The following AXIN1 variants were observed in gnomAD, a reference collection of about 807,000 sequenced individuals.
AXIN1 encodes the protein axin 1.
AXIN1 carries 30 observed loss-of-function variants against 76.4 expected under a neutral mutation model. The ratio of observed to expected loss-of-function variants is 0.39; its 90% CI spans 0.29 to 0.53. The LOEUF (loss-of-function observed/expected upper bound fraction) is 0.53. AXIN1 is among the 20% of genes least tolerant of loss of function. The pLI, the probability that AXIN1 is intolerant of heterozygous loss-of-function variation, is 0.66. For synonymous variants in AXIN1, 545 were observed against 501.4 expected (o/e 1.09, Z -1.16); for missense variants, 1,140 against 1,198.8 (o/e 0.95, Z 0.72).
intron 5 of AXIN1, chr16:299,275 C>CTG (rs1298597919): frequency 1.0e-6 from 1 of 981,454 alleles, no homozygotes; most frequent in Non-Finnish European, 1.2e-6. Flanking sequence ...TCTTATTGGA[C>CTG]TGACAAACTA....
At chr16:324,188 T>A (rs1037276114) in intron 2 of AXIN1, among the ~76,000 whole-genome samples, 48 of 150,496 alleles carry the variant, frequency 3.2e-4, no homozygotes, top group African/African-American at 1.1e-3. Context: ...GTGAGCCGCC[T>A]TACGGGTCTT....
intron 2 of AXIN1, among the ~76,000 whole-genome samples, chr16:336,258 C>A (rs895018168): frequency 6.6e-6 from 1 of 152,194 alleles, no homozygotes; most frequent in African/African-American, 2.4e-5. Context: ...GATTGACCCA[C>A]TTGGCTCAGA....
intron 2 of AXIN1, among the ~76,000 whole-genome samples, chr16:323,681 TGAGGCAGGAGAATTATGTGAACCCGG>T (rs1252734871): frequency 1.3e-4 from 20 of 151,720 alleles, no homozygotes; most frequent in Admixed American, 1.3e-3. Context: ...CTCGGGAGTC[TGAGGCAGGAGAATTATGTGAACCCGG>T]GAGGCGGAGC....
intron 1 of AXIN1, among the ~76,000 whole-genome samples, chr16:351,607 C>T (rs558247536): frequency 1.4e-4 from 16 of 116,518 alleles, no homozygotes; most frequent in African/African-American, 5.1e-4. Context: ...GAGACTCCGT[C>T]TCAAAAAAAA....
chr16:293,787 C>CT lies in AXIN1; in HGVS notation c.1956-70dup. The CT allele has an allele frequency of 6.7e-7, 1 of 1,490,722 alleles. No homozygotes were observed. The highest frequency in any genetic ancestry group is 1.1e-5 in the South Asian group (1 of 88,788). 92.3% of individuals were successfully genotyped at this position (1,490,722 alleles called of 1,614,324 possible). The stretch of plus-strand genomic sequence containing the variant: ...GGCCAGGTGGCCTGGTGGGGCTACA[C>CT]TCATCTCACAAGGGCAGCCTCCTTG... On this transcript the variant is annotated intron_variant, in intron 7 of 10. Coordinates refer to ENST00000262320, the MANE Select transcript of AXIN1 (RefSeq NM_003502.4). This position sits in a 1 kb window ranked among gnomAD's most constrained non-coding sequence, Gnocchi z 4.6.
chr16:338,612 C>T (rs770739196), intron 2 of AXIN1, among the ~76,000 whole-genome samples: 10 of 152,230 alleles, frequency 6.6e-5, no homozygotes, highest in Non-Finnish European at 1.2e-4. Context: ...AGTCCTTGCC[C>T]ACTGACAGGT....
At chr16:344,007 CA>C (rs35154860) in intron 2 of AXIN1, among the ~76,000 whole-genome samples, 254 of 129,620 alleles carry the variant, frequency 2.0e-3, no homozygotes, top group Admixed American at 2.6e-3. Context: ...GACTCCATTT[CA>C]AAAAAAAAAA....
In AXIN1 at chr16:338,917, C is replaced by T. The variant is rs951217040; in HGVS notation, c.878+7231G>A. ...CAGCCTGGGTGACAAGAGCGAAACT[C>T]CATCTTGGGGAAAAAAAAAAAAAGT... On this transcript the variant is annotated intron_variant, in intron 2 of 10. Coordinates refer to ENST00000262320, the MANE Select transcript of AXIN1 (RefSeq NM_003502.4). Among the ~76,000 whole-genome samples the T allele has an allele frequency of 2.6e-5, 4 of 151,092 alleles. 1 individual carries two copies. The highest frequency in any genetic ancestry group is 9.7e-5 in the African/African-American group (4 of 41,082).
chr16:336,675 G>A (rs1343409643), intron 2 of AXIN1, among the ~76,000 whole-genome samples: 3 of 152,012 alleles, frequency 2.0e-5, no homozygotes, highest in African/African-American at 7.2e-5. Context: ...AAATTAGCCA[G>A]GTGTGGTGGC....
At chr16:292,528 G>A (rs1253590774) in intron 8 of AXIN1, 2 of 152,246 alleles carry the variant, frequency 1.3e-5, no homozygotes, top group African/African-American at 4.8e-5. Context: ...CCCCAAAGCT[G>A]GAGGCCCGGG....
At chr16:298,819 A>G in intron 5 of AXIN1, among the ~76,000 whole-genome samples, 1 of 151,962 alleles carries the variant, frequency 6.6e-6, no homozygotes, top group East Asian at 1.9e-4. Flanking sequence ...CCCAGGCTGG[A>G]GTGCAATGGT....
intron 2 of AXIN1, among the ~76,000 whole-genome samples, chr16:318,820 C>G (rs571717204): frequency 1.3e-5 from 2 of 152,338 alleles, no homozygotes; most frequent in East Asian, 3.9e-4. Context: ...GATGCTGACC[C>G]CTGGCTGTGT....
At chr16:306,306 T>A (rs2053024175) in intron 4 of AXIN1, among the ~76,000 whole-genome samples, 1 of 152,140 alleles carries the variant, frequency 6.6e-6, no homozygotes, top group Non-Finnish European at 1.5e-5. Flanking sequence ...TACAATAACA[T>A]CACGTGGCAG....
chr16:349,961 G>A (rs1226015205), intron 1 of AXIN1, among the ~76,000 whole-genome samples: 2 of 152,066 alleles, frequency 1.3e-5, no homozygotes, highest in Non-Finnish European at 2.9e-5. Context: ...ATCAACGCCC[G>A]GCTAATTACT....
intron 4 of AXIN1, among the ~76,000 whole-genome samples, chr16:305,053 G>A (rs914384647): frequency 3.9e-5 from 6 of 152,218 alleles, no homozygotes; most frequent in African/African-American, 1.2e-4. Context: ...CCACTTCAGA[G>A]AAGCACTCGA....
intron 2 of AXIN1, among the ~76,000 whole-genome samples, chr16:333,123 G>A (rs1223187793): frequency 1.3e-5 from 2 of 151,970 alleles, no homozygotes; most frequent in African/African-American, 2.4e-5. Flanking sequence ...ACCTGAGGTC[G>A]GGAGTTTGAG....
At chr16:303,634 G>A (rs373391433) in intron 5 of AXIN1, among the ~76,000 whole-genome samples, 146 of 152,068 alleles carry the variant, frequency 9.6e-4, no homozygotes, top group African/African-American at 3.1e-3. Context: ...CGCCCGCCTC[G>A]GCCTCCCAAA....
At chr16:288,627 T>A (rs962087016) in intron 10 of AXIN1, among the ~76,000 whole-genome samples, 2 of 152,212 alleles carry the variant, frequency 1.3e-5, no homozygotes, top group Non-Finnish European at 2.9e-5. Flanking sequence ...TCTGCAGTCA[T>A]GGGGTGTTTG....
intron 5 of AXIN1, among the ~76,000 whole-genome samples, chr16:301,128 G>A (rs572800406): frequency 7.2e-5 from 11 of 152,104 alleles, no homozygotes; most frequent in East Asian, 3.9e-4. Flanking sequence ...AAAATTAGCC[G>A]GGCGTGATGG....
Sources: allele counts gnomAD v4.1 joint callset (sites outside exome capture counted in the v4.1 genomes callset), GRCh38; gene constraint gnomAD v4.1.1; non-coding constraint Gnocchi (gnomAD v3.1); transcripts MANE v1.5; gene names NCBI Gene and HGNC (gene_info 2026-07-23, HGNC 2026-07-21).